HSF5: variants seen among roughly 807,000 people sequenced by gnomAD.
HSF5 encodes heat shock factor protein 5.
A neutral mutation model predicts 50.8 loss-of-function variants in HSF5; 5 were observed. The observed-to-expected ratio is 0.10, with a 90% CI of 0.05 to 0.21. The LOEUF (loss-of-function observed/expected upper bound fraction) is 0.21. Among genes scored for constraint, HSF5 ranks in the 10% least tolerant of loss-of-function variants. HSF5 has a pLI of 1.00. For missense variants in HSF5, 564 were observed against 762.6 expected, an observed-to-expected ratio of 0.74 and a Z score of 3.07; for synonymous variants, 307 against 307.4, an observed-to-expected ratio of 1.00 and a Z score of 0.02.
At chr17:58,483,892 T>C (rs1447068597) in intron 1 of HSF5, among the ~76,000 whole-genome samples, 2 of 151,810 alleles carry the variant, frequency 1.3e-5, no homozygotes, top group African/African-American at 2.4e-5. Flanking sequence ...TACACTGAAA[T>C]AGAACATAGA....
chr17:58,487,750 G>A lies in HSF5; in HGVS notation c.525C>T (p.Pro175=), dbSNP rs1975209277. 4 of 1,380,432 alleles carry A rather than the reference G, an allele frequency of 2.9e-6. No individual in the cohort carries two copies. Among genetic ancestry groups the A allele is most frequent in the Middle Eastern group, 2.7e-4 (1 of 3,738 alleles). 85.5% of individuals were successfully genotyped at this position (1,380,432 alleles called of 1,614,324 possible). Reference sequence around the variant, plus strand: ...CGTGCGGCTCGGGCCGGGGCCCCGCGGGCGGCGGCGGCTGCTGGTGCTGCA... The same window carrying A: ...CGTGCGGCTCGGGCCGGGGCCCCGCAGGCGGCGGCGGCTGCTGGTGCTGCA... ...APLQHQQPPP[P]AGPRPEPHGP... The change falls in exon 1 of 6, where the codon CCC becomes CCT. Residue 175 remains proline (P), a synonymous_variant. Coordinates refer to ENST00000323777, the MANE Select transcript of HSF5 (RefSeq NM_001080439.3).
intron 2 of HSF5, chr17:58,476,037 CA>C (rs1011689973): frequency 2.9e-5 from 12 of 410,052 alleles, no homozygotes; most frequent in Middle Eastern, 7.4e-4. Flanking sequence ...GGAAAACAAA[CA>C]AAAAAAACAA....
chr17:58,422,279 A>C lies in HSF5; in HGVS notation c.*81T>G, dbSNP rs1974237605. The C allele has an allele frequency of 9.7e-7, 1 of 1,028,484 alleles. No individual in the cohort carries two copies. The highest frequency in any genetic ancestry group is 1.5e-6 in the Non-Finnish European group (1 of 678,258). The allele number at this position is 1,028,484 out of a possible 1,614,324, so 63.7% of individuals were successfully genotyped here. On this transcript the variant is annotated 3_prime_UTR_variant, in exon 6 of 6. Transcript: ENST00000323777. ...TTTTTTTCCTTAACAGAACTGAAAA[A>C]ATCCCAACAGTTTGTCATGTGCAAG...
chr17:58,473,001 AC>A (rs1471829744), intron 2 of HSF5, among the ~76,000 whole-genome samples: 2 of 152,162 alleles, frequency 1.3e-5, no homozygotes, highest in Middle Eastern at 3.2e-3. Flanking sequence ...TCTCAAAAAA[AC>A]AAAGCAAAAA....
At chr17:58,428,265 T>C (rs1340135359) in intron 5 of HSF5, among the ~76,000 whole-genome samples, 2 of 152,216 alleles carry the variant, frequency 1.3e-5, no homozygotes, top group Non-Finnish European at 1.5e-5. Context: ...AAGTTGAATA[T>C]TGTTATTATA....
chr17:58,451,603 G>A (rs1347381054), intron 5 of HSF5, among the ~76,000 whole-genome samples: 2 of 151,990 alleles, frequency 1.3e-5, no homozygotes, highest in Non-Finnish European at 2.9e-5. Flanking sequence ...GATCTACGAA[G>A]AAATTAAAAA....
At chr17:58,469,001 C>T (rs1031811926) in intron 2 of HSF5, among the ~76,000 whole-genome samples, 1 of 150,132 alleles carries the variant, frequency 6.7e-6, no homozygotes, top group African/African-American at 2.5e-5. Flanking sequence ...TTTGATTTCC[C>T]AAAGTATTTG....
chr17:58,461,423 C>A (rs918701098), intron 4 of HSF5, among the ~76,000 whole-genome samples: 18 of 151,500 alleles, frequency 1.2e-4, no homozygotes, highest in African/African-American at 4.4e-4. Context: ...CAAAAACCTG[C>A]CAAAAGTTAT....
chr17:58,433,704 T>G (rs781155674), intron 5 of HSF5, among the ~76,000 whole-genome samples: 2 of 152,136 alleles, frequency 1.3e-5, no homozygotes, highest in Non-Finnish European at 2.9e-5. Context: ...GTGAATTAAG[T>G]AAAATACGGA....
At position 58,462,919 on chromosome 17, in the gene HSF5, G is replaced by A. The variant is rs1309385501; in HGVS notation, c.1405C>T (p.Pro469Ser). ...TCCTGTATTGTGCTATTTTCAACAG[G>A]CTGAGCTGTGTGGATGGTATAGATG... ...EYIYTIHTAQ[P>S]VENSTIQESA... Residue 469 changes from proline to serine, a missense_variant, in exon 4 of 6, where the codon CCT (proline) becomes TCT (serine). Pro to Ser is a moderately conservative substitution (Grantham distance 74). This residue lies in a region of HSF5 where 441 missense variants were observed against 533.6 expected (regional missense o/e 0.83). Coordinates refer to ENST00000323777, the MANE Select transcript of HSF5 (RefSeq NM_001080439.3). 2.5e-6 allele frequency: 4 copies of A among 1,614,180 alleles called. No individual in the cohort carries two copies. Among genetic ancestry groups the A allele is most frequent in the Admixed American group, 1.7e-5 (1 of 60,016 alleles).
chr17:58,453,058 C>T (rs1267058770), intron 5 of HSF5, among the ~76,000 whole-genome samples: 1 of 151,988 alleles, frequency 6.6e-6, no homozygotes, highest in East Asian at 1.9e-4. Flanking sequence ...AAAAAGTCTC[C>T]CAGCAAAGAA....
chr17:58,468,681 A>G (rs1974905020), intron 2 of HSF5, among the ~76,000 whole-genome samples: 1 of 152,214 alleles, frequency 6.6e-6, no homozygotes, highest in African/African-American at 2.4e-5. Context: ...TTGAAACATC[A>G]GAAGTTCATG....
chr17:58,446,795 G>T (rs879312757), intron 5 of HSF5, among the ~76,000 whole-genome samples: 4 of 152,176 alleles, frequency 2.6e-5, no homozygotes, highest in African/African-American at 2.4e-5. Context: ...CCCTGTCCCA[G>T]CTCTACACAG....
chr17:58,458,604 T>G (rs1263114633), intron 5 of HSF5, among the ~76,000 whole-genome samples, 164 bp downstream of exon 5: 2 of 152,182 alleles, frequency 1.3e-5, no homozygotes, highest in Admixed American at 1.3e-4. Context: ...ACAACAATAA[T>G]TAAGAACAAA....
At chr17:58,456,087 G>A (rs1037301465) in intron 5 of HSF5, among the ~76,000 whole-genome samples, 2 of 150,168 alleles carry the variant, frequency 1.3e-5, no homozygotes, top group East Asian at 1.9e-4. Flanking sequence ...ACCTAAATAC[G>A]CATCTACAGA....
intron 3 of HSF5, among the ~76,000 whole-genome samples, chr17:58,466,225 T>C (rs548265209): frequency 6.6e-6 from 1 of 152,354 alleles, no homozygotes; most frequent in South Asian, 2.1e-4. Context: ...TTATGGTGTT[T>C]ACAACATAGG....
chr17:58,488,099 C>A lies in HSF5; in HGVS notation c.176G>T (p.Gly59Val). The change falls in exon 1 of 6, where the codon GGT becomes GTT. Residue 59 changes from glycine to valine, a missense_variant. Physicochemically the swap from Gly to Val is moderately radical, Grantham distance 109 (BLOSUM62 -3). Around this residue, in one of 5 missense-constraint regions of HSF5, gnomAD observed 72 missense variants for 110.9 expected, o/e 0.65. Coordinates refer to ENST00000323777, the MANE Select transcript of HSF5 (RefSeq NM_001080439.3). This position sits in a 1 kb window ranked among gnomAD's most constrained non-coding sequence, Gnocchi z 4.1. ...ELLSPPGPGGGGGTAGAGAEP... is the reference protein window; with the variant it reads ...ELLSPPGPGGVGGTAGAGAEP... ...GGCCCCGGCCCCCGCAGTCCCGCCA[C>A]CGCCCCCCGGCCCGGGCGGGCTGAG... is the stretch of plus-strand genomic sequence containing the variant. 6.4e-7 allele frequency: 1 copy of A among 1,573,428 alleles called. No homozygotes were observed. The highest frequency in any genetic ancestry group is 8.6e-7 in the Non-Finnish European group (1 of 1,167,218).
intron 2 of HSF5, among the ~76,000 whole-genome samples, chr17:58,470,193 G>A (rs932124974): frequency 6.6e-6 from 1 of 152,170 alleles, no homozygotes; most frequent in African/African-American, 2.4e-5. Context: ...GTGAAAGCAG[G>A]CATTTGAAAA....
chr17:58,486,903 T>TC (rs1975190073), intron 1 of HSF5, among the ~76,000 whole-genome samples: 1 of 8,784 alleles, frequency 1.1e-4, no homozygotes, highest in African/African-American at 4.4e-4. Flanking sequence ...AAGTTCTCTC[T>TC]TTTTTTTTTT....
Sources: allele counts gnomAD v4.1 joint callset (sites outside exome capture counted in the v4.1 genomes callset), GRCh38; gene constraint gnomAD v4.1.1; regional missense constraint gnomAD v4.1.1; non-coding constraint Gnocchi (gnomAD v3.1); transcripts MANE v1.5; gene names NCBI Gene and HGNC (gene_info 2026-07-23, HGNC 2026-07-21).